Variants in PDS5B observed in about 807,000 individuals in gnomAD.
PDS5B encodes the protein PDS5 cohesin associated factor B.
A neutral mutation model predicts 184.1 loss-of-function variants in PDS5B; 51 were observed. The ratio of observed to expected loss-of-function variants is 0.28; its 90% CI spans 0.22 to 0.35. The LOEUF (loss-of-function observed/expected upper bound fraction) is 0.35. PDS5B is among the 10% of genes least tolerant of loss of function. The pLI is 1.00. For synonymous variants in PDS5B, 566 were observed against 569.2 expected (o/e 0.99, Z 0.08); for missense variants, 1,180 against 1,723.3 (o/e 0.68, Z 5.58).
At chr13:32,668,114 G>A (rs1950848634) in intron 7 of PDS5B, among the ~76,000 whole-genome samples, 1 of 152,080 alleles carries the variant, frequency 6.6e-6, no homozygotes, top group Admixed American at 6.5e-5. Context: ...AAGATATTCT[G>A]TTTGTTTCTA....
chr13:32,751,898 A>G (rs1196034015), intron 24 of PDS5B, among the ~76,000 whole-genome samples: 1 of 152,134 alleles, frequency 6.6e-6, no homozygotes, highest in Non-Finnish European at 1.5e-5. Context: ...GTATTTTGAT[A>G]AACTGAAATT....
At chr13:32,698,090 A>G (rs1456624815) in intron 15 of PDS5B, among the ~76,000 whole-genome samples, 1 of 151,322 alleles carries the variant, frequency 6.6e-6, no homozygotes, top group Non-Finnish European at 1.5e-5. Context: ...AGTGAGTTCA[A>G]TATTTCCCAG....
At chr13:32,762,761 G>C (rs1255987072) in intron 30 of PDS5B, among the ~76,000 whole-genome samples, 1 of 151,902 alleles carries the variant, frequency 6.6e-6, no homozygotes, top group Non-Finnish European at 1.5e-5. Flanking sequence ...TCATCATTTA[G>C]TTCATTTTCT....
chr13:32,639,705 C>G (rs768234738), intron 1 of PDS5B, among the ~76,000 whole-genome samples: 10 of 152,290 alleles, frequency 6.6e-5, no homozygotes, highest in Admixed American at 2.0e-4. Context: ...TGGAGGGCAC[C>G]ATCTGCTGGT....
At chr13:32,720,155 A>G (rs773503557) in intron 19 of PDS5B, among the ~76,000 whole-genome samples, 15 of 152,246 alleles carry the variant, frequency 9.9e-5, no homozygotes, top group Non-Finnish European at 1.2e-4. Context: ...ATAGTAGAAT[A>G]CTAGCAAAGA....
At chr13:32,591,918 G>A (rs1171038620) in intron 1 of PDS5B, among the ~76,000 whole-genome samples, 1 of 152,184 alleles carries the variant, frequency 6.6e-6, no homozygotes. Context: ...GGGGAGCAAT[G>A]CTCTGAATGG....
At chr13:32,691,042 G>C (rs879793516) in intron 13 of PDS5B, 7 of 151,902 alleles carry the variant, frequency 4.6e-5, no homozygotes, top group Non-Finnish European at 8.8e-5. Context: ...ACGTATATAT[G>C]TTATGAAGCA....
At position 32,648,822 on chromosome 13, in the gene PDS5B, C is replaced by T. The variant is rs1354814057; in HGVS notation, c.50C>T (p.Pro17Leu). The T allele has an allele frequency of 6.4e-7, 1 of 1,568,022 alleles. No individual in the cohort carries two copies. Among genetic ancestry groups the T allele is most frequent in the East Asian group, 2.2e-5 (1 of 44,640 alleles). Residue 17 changes from proline (P) to leucine (L), a missense_variant, in exon 2 of 35, where the codon CCT becomes CTT. Physicochemically the swap from Pro to Leu is moderately conservative, Grantham distance 98. This residue lies in a region of PDS5B where 22 missense variants were observed against 79.3 expected (regional missense o/e 0.28). Transcript: ENST00000315596. ...AATGATGGAAAAATTACATATCCGCCTGGGGTCAAGGAAATATCAGATAAA... is the reference window on the plus strand; with the variant it reads ...AATGATGGAAAAATTACATATCCGCTTGGGGTCAAGGAAATATCAGATAAA... ...RTNDGKITYP[P>L]GVKEISDKIS...
intron 10 of PDS5B, among the ~76,000 whole-genome samples, chr13:32,681,714 C>T (rs1351770050): frequency 6.6e-6 from 1 of 151,802 alleles, no homozygotes; most frequent in Admixed American, 6.6e-5. Flanking sequence ...ATACCCTGTT[C>T]CATTTTACGT....
intron 10 of PDS5B, among the ~76,000 whole-genome samples, chr13:32,681,608 A>C (rs1265785197): frequency 2.6e-5 from 4 of 151,576 alleles, no homozygotes; most frequent in Admixed American, 2.6e-4. Context: ...CCTGGGCGAT[A>C]GAGCAAGACT....
At chr13:32,767,429 T>G (rs1447366056) in intron 31 of PDS5B, among the ~76,000 whole-genome samples, 3 of 152,158 alleles carry the variant, frequency 2.0e-5, no homozygotes, top group Non-Finnish European at 4.4e-5. Flanking sequence ...TTTTGTAATC[T>G]TAGAAAAATA....
At chr13:32,669,831 A>G (rs9596057) in intron 7 of PDS5B, among the ~76,000 whole-genome samples, 58,278 of 151,998 alleles carry the variant, frequency 0.38, 11,628 homozygotes, top group Non-Finnish European at 0.44. Flanking sequence ...GGTTAGCTAG[A>G]AAATAAGAAT....
intron 11 of PDS5B, among the ~76,000 whole-genome samples, chr13:32,685,956 C>CTGT (rs2140818266): frequency 6.6e-6 from 1 of 152,144 alleles, no homozygotes; most frequent in Non-Finnish European, 1.5e-5. Flanking sequence ...CTTATAAGAC[C>CTGT]TGTAGAAGTC....
At chr13:32,609,695 A>G (rs1174902981) in intron 1 of PDS5B, among the ~76,000 whole-genome samples, 2 of 152,206 alleles carry the variant, frequency 1.3e-5, no homozygotes, top group African/African-American at 2.4e-5. Flanking sequence ...GTAGCAACCC[A>G]GTTTCCCCTT....
At chr13:32,605,224 G>A (rs183674113) in intron 1 of PDS5B, among the ~76,000 whole-genome samples, 6 of 151,926 alleles carry the variant, frequency 3.9e-5, no homozygotes, top group Non-Finnish European at 7.4e-5. Context: ...TAAATTTCCC[G>A]CTACACCCTG....
intron 1 of PDS5B, among the ~76,000 whole-genome samples, chr13:32,619,717 A>T (rs2058269114): frequency 6.6e-6 from 1 of 152,216 alleles, no homozygotes; most frequent in African/African-American, 2.4e-5. Context: ...ACCGTTATAT[A>T]TGGTTTGTTG....
chr13:32,760,170 T>C (rs1044964600), intron 29 of PDS5B, among the ~76,000 whole-genome samples: 17 of 152,200 alleles, frequency 1.1e-4, no homozygotes, highest in South Asian at 6.2e-4. Flanking sequence ...TTAGCCAGGA[T>C]GGTCTCGATC....
intron 1 of PDS5B, among the ~76,000 whole-genome samples, chr13:32,640,897 A>T (rs2058650505): frequency 1.3e-5 from 2 of 151,634 alleles, no homozygotes; most frequent in Admixed American, 6.6e-5. Context: ...TACTAAAAAA[A>T]ATACAAAAAA....
chr13:32,660,474 C>CTG (rs1243223633), intron 6 of PDS5B, among the ~76,000 whole-genome samples: 1 of 11,840 alleles, frequency 8.4e-5, no homozygotes, highest in East Asian at 2.5e-3. Flanking sequence ...GGGAGGAGGA[C>CTG]TGAATTCCCA....
Sources: gnomAD v4.1 joint callset for allele counts (sites outside exome capture counted in the v4.1 genomes callset) on GRCh38, gnomAD v4.1.1 for gene constraint, gnomAD v4.1.1 regional missense constraint, MANE v1.5 for transcripts, NCBI Gene and HGNC (gene_info 2026-07-23, HGNC 2026-07-21) for gene names.